The following TMEM65 variants were observed in gnomAD, a reference collection of about 807,000 sequenced individuals.
The protein encoded by TMEM65 is transmembrane protein 65.
Under a neutral mutation model 25.4 loss-of-function variants are expected in TMEM65, and 22 were observed. That is an observed-to-expected ratio of 0.86 (90% CI 0.62 to 1.23). TMEM65 has a LOEUF of 1.23. TMEM65 is among the 50% of genes most tolerant of loss of function. The pLI is 0.00. For missense variants in TMEM65, 262 were observed against 308.2 expected (o/e 0.85, Z 1.12); for synonymous variants, 132 against 126.2 (o/e 1.05, Z -0.31).
chr8:124,345,557 G>GT (rs1814630941), intron 1 of TMEM65, among the ~76,000 whole-genome samples: 1 of 152,142 alleles, frequency 6.6e-6, no homozygotes, highest in African/African-American at 2.4e-5. Flanking sequence ...TGGTGATGCT[G>GT]TAACACAGAA....
chr8:124,335,198 C>A (rs369413008), intron 1 of TMEM65, among the ~76,000 whole-genome samples: 2 of 151,948 alleles, frequency 1.3e-5, no homozygotes, highest in South Asian at 2.1e-4. Context: ...ATTAAACACA[C>A]AAAAAAATAA....
rs950567994 is a variant in TMEM65 at position 124,323,212 on chromosome 8, T to C, written c.472+109A>G. The C allele has an allele frequency of 2.7e-5, 16 of 594,964 alleles. No homozygotes were observed. In the Admixed American group the frequency reaches 3.8e-4, roughly 14 times the overall value. 36.9% of individuals were successfully genotyped at this position (594,964 alleles called of 1,614,324 possible). A position where few individuals can be genotyped will look rare whatever the true frequency, so the allele number is the denominator to read the frequency against. On this transcript the variant is annotated intron_variant, in intron 4 of 6. Coordinates refer to ENST00000297632, the MANE Select transcript of TMEM65 (RefSeq NM_194291.3). ...GAATAGGATGAAGAAAATTAACAGA[T>C]ATCTCAATGAGTAAACTCATTCAAA...
chr8:124,325,532 C>CTGA (rs762097403), intron 3 of TMEM65, among the ~76,000 whole-genome samples: 17 of 152,034 alleles, frequency 1.1e-4, no homozygotes, highest in Non-Finnish European at 2.4e-4. Flanking sequence ...TAAATAAAAA[C>CTGA]TGATTTTCTG....
intron 2 of TMEM65, 35 bp from the exon 3 acceptor site, chr8:124,327,456 A>T (rs1814378792): frequency 1.4e-6 from 2 of 1,389,074 alleles, no homozygotes; most frequent in Non-Finnish European, 2.0e-6. Context: ...ATATATTTTA[A>T]GATTTCTATA....
intron 1 of TMEM65, among the ~76,000 whole-genome samples, chr8:124,371,465 C>T (rs1427796301): frequency 6.6e-6 from 1 of 152,204 alleles, no homozygotes; most frequent in African/African-American, 2.4e-5. Flanking sequence ...GCCACCTGCA[C>T]GGGTGCACGC....
chr8:124,313,955 G>A lies in TMEM65; in HGVS notation c.*5C>T. On this transcript the variant is annotated 3_prime_UTR_variant, in exon 7 of 7. Coordinates refer to ENST00000297632, the MANE Select transcript of TMEM65 (RefSeq NM_194291.3). ...TTACATCTTTTTATAGGTATTCTAA[G>A]AGGATTAACTTTTCGTTTCCAGTTT... is the stretch of plus-strand genomic sequence containing the variant. The A allele has an allele frequency of 6.3e-7, 1 of 1,595,230 alleles. No homozygotes were observed. The highest frequency in any genetic ancestry group is 8.6e-7 in the Non-Finnish European group (1 of 1,163,802).
intron 4 of TMEM65, among the ~76,000 whole-genome samples, chr8:124,323,011 T>A (rs948356045): frequency 6.6e-6 from 1 of 151,354 alleles, no homozygotes; most frequent in African/African-American, 2.4e-5. Context: ...AATAAATAAA[T>A]AAATAAATAA....
At position 124,318,376 on chromosome 8, in the gene TMEM65, T is replaced by TG. The variant is rs1423354782; in HGVS notation, c.621+1709_621+1710insC. Among the ~76,000 whole-genome samples the TG allele has an allele frequency of 1.4e-4, 18 of 124,758 alleles. 2 individuals are homozygous for TG. The highest frequency in any genetic ancestry group is 2.5e-4 in the Non-Finnish European group (15 of 59,072). 81.8% of individuals were successfully genotyped at this position (124,758 alleles called of 152,430 possible). On this transcript the variant is annotated intron_variant, in intron 6 of 6. Coordinates refer to ENST00000297632, the MANE Select transcript of TMEM65 (RefSeq NM_194291.3). ...CTGAATTTGCATGTTTTTGTTTTTT[T>TG]TTTTTTTTTTTTTTTTGAGATGGAG...
intron 1 of TMEM65, among the ~76,000 whole-genome samples, chr8:124,363,891 G>A (rs908337538): frequency 7.5e-6 from 1 of 133,312 alleles, no homozygotes; most frequent in Non-Finnish European, 1.6e-5. Flanking sequence ...CAACTGCACA[G>A]ATTCTTCCCC....
At chr8:124,363,775 T>C (rs1393716821) in intron 1 of TMEM65, among the ~76,000 whole-genome samples, 2 of 133,134 alleles carry the variant, frequency 1.5e-5, no homozygotes, top group Non-Finnish European at 3.1e-5. Context: ...AGGCGGAGCT[T>C]GCAGTGAGCC....
intron 1 of TMEM65, among the ~76,000 whole-genome samples, chr8:124,331,806 T>A (rs1814435761): frequency 6.6e-6 from 1 of 151,970 alleles, no homozygotes; most frequent in Admixed American, 6.6e-5. Context: ...TAGATGTACA[T>A]CTTCAAAAAT....
intron 1 of TMEM65, among the ~76,000 whole-genome samples, chr8:124,366,041 C>A (rs985691852): frequency 6.6e-6 from 1 of 152,042 alleles, no homozygotes; most frequent in Non-Finnish European, 1.5e-5. Context: ...GCCAACCTGG[C>A]AAAACCCCAC....
chr8:124,322,044 G>C (rs1265195439), intron 5 of TMEM65, 61 bp downstream of exon 5: 3 of 1,128,790 alleles, frequency 2.7e-6, no homozygotes, highest in East Asian at 2.6e-5. Context: ...AATTAAAGAA[G>C]AGTGGGGAAC....
At chr8:124,342,294 G>A (rs1814591382) in intron 1 of TMEM65, among the ~76,000 whole-genome samples, 1 of 152,116 alleles carries the variant, frequency 6.6e-6, no homozygotes, top group Non-Finnish European at 1.5e-5. Context: ...AAAGAACTCT[G>A]AGAAGTACAA....
chr8:124,371,089 T>C (rs967490351), intron 1 of TMEM65, among the ~76,000 whole-genome samples: 1 of 152,240 alleles, frequency 6.6e-6, no homozygotes, highest in Non-Finnish European at 1.5e-5. Flanking sequence ...AACATGCTAG[T>C]TTAAAAATCG....
At chr8:124,359,700 C>T (rs1814835276) in intron 1 of TMEM65, among the ~76,000 whole-genome samples, 1 of 151,840 alleles carries the variant, frequency 6.6e-6, no homozygotes, top group South Asian at 2.1e-4. Context: ...TGAGATCACA[C>T]CACTGCACTA....
intron 6 of TMEM65, among the ~76,000 whole-genome samples, chr8:124,317,541 A>G (rs1814253939): frequency 6.6e-6 from 1 of 152,190 alleles, no homozygotes; most frequent in South Asian, 2.1e-4. Context: ...ATTTTAATGT[A>G]CAACAGAATT....
chr8:124,372,281 C>A lies in TMEM65; in HGVS notation c.-124G>T, dbSNP rs2131237555. ...AGGTCCTCCTGCCAGGCAGCCGAGGCGCCGGGCACCATGCACTCCGCGGGC... is the reference window on the plus strand; with the variant it reads ...AGGTCCTCCTGCCAGGCAGCCGAGGAGCCGGGCACCATGCACTCCGCGGGC... On this transcript the variant is annotated 5_prime_UTR_variant, in exon 1 of 7. Coordinates refer to ENST00000297632, the MANE Select transcript of TMEM65 (RefSeq NM_194291.3). 1 of 950,448 alleles carries A rather than the reference C, an allele frequency of 1.1e-6. No homozygotes were observed. Among genetic ancestry groups the A allele is most frequent in the Non-Finnish European group, 1.3e-6 (1 of 768,766 alleles). 58.9% of individuals were successfully genotyped at this position (950,448 alleles called of 1,614,324 possible).
At chr8:124,322,934 G>A (rs977668817) in intron 4 of TMEM65, among the ~76,000 whole-genome samples, 7 of 152,088 alleles carry the variant, frequency 4.6e-5, no homozygotes, top group African/African-American at 1.7e-4. Flanking sequence ...GGTGGAGGTT[G>A]CAGTGAGCTG....
Sources: allele counts gnomAD v4.1 joint callset (sites outside exome capture counted in the v4.1 genomes callset), GRCh38; gene constraint gnomAD v4.1.1; transcripts MANE v1.5; gene names NCBI Gene and HGNC (gene_info 2026-07-23, HGNC 2026-07-21).